The following ZFHX3 variants were observed in gnomAD, a reference collection of about 807,000 sequenced individuals.
ZFHX3 encodes the protein zinc finger homeobox protein 3.
In ZFHX3, 42 loss-of-function variants were observed where a neutral mutation model predicts 279.1. That is an observed-to-expected ratio of 0.15 (90% confidence interval 0.12 to 0.19). The LOEUF is 0.19. ZFHX3 is among the 10% of genes least tolerant of loss of function. ZFHX3 has a pLI of 1.00. For missense variants in ZFHX3, 4,981 were observed against 4,754.0 expected (o/e 1.05, Z -1.40); for synonymous variants, 2,293 against 1,957.8 (o/e 1.17, Z -4.52).
chr16:72,792,458 CTTTTT>C (rs768603840), intron 9 of ZFHX3, among the ~76,000 whole-genome samples: 7 of 149,398 alleles, frequency 4.7e-5, no homozygotes, highest in Non-Finnish European at 1.0e-4. Context: ...TCTGGTAGTT[CTTTTT>C]TTTTTCTTTT....
chr16:73,323,144 G>A (rs2015613303), intron 3 of ZFHX3, among the ~76,000 whole-genome samples: 1 of 152,132 alleles, frequency 6.6e-6, no homozygotes. Context: ...CTGGGGGTGG[G>A]GAATCATGAA....
intron 3 of ZFHX3, among the ~76,000 whole-genome samples, chr16:73,424,753 C>CAAAAAAAA (rs71156163): frequency 3.1e-5 from 3 of 95,802 alleles, no homozygotes; most frequent in East Asian, 3.8e-4. Flanking sequence ...TACCCTGTGT[C>CAAAAAAAA]AAAAAAAAAA....
intron 1 of ZFHX3, among the ~76,000 whole-genome samples, chr16:73,859,982 A>G (rs767424127): frequency 6.6e-6 from 1 of 152,164 alleles, no homozygotes; most frequent in Non-Finnish European, 1.5e-5. Context: ...TAAAAAATAA[A>G]ATGCAAAGTC....
At chr16:73,105,525 G>C (rs1454885757) in intron 7 of ZFHX3, among the ~76,000 whole-genome samples, 1 of 151,504 alleles carries the variant, frequency 6.6e-6, no homozygotes, top group Non-Finnish European at 1.5e-5. Context: ...GCAAAGACGG[G>C]CGGATCACTT....
chr16:73,130,028 C>A (rs148909609), intron 7 of ZFHX3, among the ~76,000 whole-genome samples: 251 of 152,218 alleles, frequency 1.6e-3, no homozygotes, highest in African/African-American at 5.8e-3. Context: ...AATGCAGAGG[C>A]GAAAGCTCTC....
intron 5 of ZFHX3, among the ~76,000 whole-genome samples, chr16:73,199,107 G>T (rs1171319757): frequency 9.9e-5 from 15 of 152,200 alleles, no homozygotes; most frequent in Non-Finnish European, 8.8e-5. Context: ...TCTGTGAATT[G>T]GGGGGAAACT....
chr16:73,146,184 C>T (rs1966862135), intron 5 of ZFHX3, among the ~76,000 whole-genome samples: 1 of 152,138 alleles, frequency 6.6e-6, no homozygotes, highest in Admixed American at 6.5e-5. Context: ...AATCCCAGCA[C>T]TTTGGGAGGC....
At chr16:73,201,505 T>C (rs1411811225) in intron 5 of ZFHX3, among the ~76,000 whole-genome samples, 2 of 152,260 alleles carry the variant, frequency 1.3e-5, no homozygotes, top group African/African-American at 4.8e-5. Context: ...CAATTTTATC[T>C]GTGAACAATC....
At chr16:72,987,864 C>T (rs1266756953) in intron 1 of ZFHX3, among the ~76,000 whole-genome samples, 3 of 152,146 alleles carry the variant, frequency 2.0e-5, no homozygotes, top group Non-Finnish European at 4.4e-5. Flanking sequence ...TGCTCCTAGG[C>T]AAAGTGGCAA....
intron 7 of ZFHX3, among the ~76,000 whole-genome samples, chr16:73,109,207 T>C (rs182711090): frequency 6.6e-6 from 1 of 152,336 alleles, no homozygotes; most frequent in Admixed American, 6.5e-5. Context: ...AGTGAGTGAA[T>C]GAGGATGTGA....
intron 1 of ZFHX3, among the ~76,000 whole-genome samples, chr16:73,734,660 A>T (rs1444934898): frequency 6.6e-6 from 1 of 152,182 alleles, no homozygotes; most frequent in Non-Finnish European, 1.5e-5. Context: ...GCTTACAAAG[A>T]TTCATCAATT....
chr16:72,971,302 T>C (rs1962094107), intron 1 of ZFHX3, among the ~76,000 whole-genome samples: 2 of 151,734 alleles, frequency 1.3e-5, no homozygotes, highest in South Asian at 4.2e-4. Flanking sequence ...TAAATCTTTG[T>C]ACACATATAA....
At chr16:73,881,018 A>G (rs1462810587) in intron 1 of ZFHX3, among the ~76,000 whole-genome samples, 1 of 152,166 alleles carries the variant, frequency 6.6e-6, no homozygotes, top group Non-Finnish European at 1.5e-5. Context: ...TTGGGAAGGA[A>G]CTGAATACAA....
At chr16:72,955,664 G>A (rs1399344856) in intron 2 of ZFHX3, among the ~76,000 whole-genome samples, 2 of 150,872 alleles carry the variant, frequency 1.3e-5, no homozygotes, top group African/African-American at 4.9e-5. Flanking sequence ...TGTAATCCCA[G>A]CTACTTGGGA....
chr16:73,862,108 T>C (rs767941821), intron 1 of ZFHX3, among the ~76,000 whole-genome samples: 3 of 152,194 alleles, frequency 2.0e-5, no homozygotes, highest in Non-Finnish European at 4.4e-5. Context: ...AGCATTCATT[T>C]TGTGGGCCCA....
intron 2 of ZFHX3, among the ~76,000 whole-genome samples, chr16:73,488,275 A>G (rs1288328906): frequency 2.0e-5 from 3 of 152,172 alleles, no homozygotes; most frequent in African/African-American, 7.2e-5. Context: ...ATACCAGGGC[A>G]GGTTGAGGGT....
At chr16:73,772,605 T>A (rs2054031040) in intron 1 of ZFHX3, among the ~76,000 whole-genome samples, 1 of 152,180 alleles carries the variant, frequency 6.6e-6, no homozygotes, top group African/African-American at 2.4e-5. Context: ...CGTTCTGCAG[T>A]TAGCTAGTCT....
At chr16:73,773,550 A>C (rs1350921010) in intron 1 of ZFHX3, among the ~76,000 whole-genome samples, 1 of 152,186 alleles carries the variant, frequency 6.6e-6, no homozygotes, top group Admixed American at 6.5e-5. Flanking sequence ...AGAAACAATT[A>C]ACAAGTATCT....
intron 7 of ZFHX3, among the ~76,000 whole-genome samples, chr16:73,095,786 C>T (rs1022021364): frequency 6.6e-6 from 1 of 152,126 alleles, no homozygotes; most frequent in Non-Finnish European, 1.5e-5. Context: ...TGATACCGGG[C>T]AACTTAATTC....
Sources: gnomAD v4.1 joint callset for allele counts (sites outside exome capture counted in the v4.1 genomes callset) on GRCh38, gnomAD v4.1.1 for gene constraint, MANE v1.5 for transcripts, NCBI Gene and HGNC (gene_info 2026-07-23, HGNC 2026-07-21) for gene names.